RERG: variants seen among roughly 807,000 people sequenced by gnomAD.
RERG encodes RAS like estrogen regulated growth inhibitor.
Under a neutral mutation model 23.2 loss-of-function variants are expected in RERG, and 25 were observed. The ratio of observed to expected loss-of-function variants is 1.08; its 90% CI spans 0.79 to 1.50. RERG has a LOEUF of 1.50. Ranked by LOEUF, RERG falls within the 40% of genes most tolerant of loss-of-function variation. The pLI is 0.00. For synonymous variants in RERG, 81 were observed against 89.1 expected, an observed-to-expected ratio of 0.91 and a Z score of 0.51; for missense variants, 253 against 250.1, an observed-to-expected ratio of 1.01 and a Z score of -0.08.
chr12:15,132,542 G>A (rs1864067305), intron 2 of RERG, among the ~76,000 whole-genome samples: 1 of 152,186 alleles, frequency 6.6e-6, no homozygotes, highest in Non-Finnish European at 1.5e-5. Context: ...CATCAAATCA[G>A]TTGGGTAAAG....
chr12:15,142,411 A>G (rs928387155), intron 2 of RERG, among the ~76,000 whole-genome samples: 12 of 152,224 alleles, frequency 7.9e-5, no homozygotes, highest in African/African-American at 2.9e-4. Context: ...TCCATGTAGC[A>G]CACTGGAGTA....
At chr12:15,147,704 T>C (rs755111677) in intron 2 of RERG, among the ~76,000 whole-genome samples, 2 of 152,154 alleles carry the variant, frequency 1.3e-5, no homozygotes, top group Non-Finnish European at 2.9e-5. Flanking sequence ...AGGTAGATTA[T>C]AAGAAATTTA....
intron 2 of RERG, among the ~76,000 whole-genome samples, chr12:15,184,391 G>A (rs1383436252): frequency 2.6e-5 from 4 of 151,984 alleles, no homozygotes; most frequent in African/African-American, 4.8e-5. Flanking sequence ...TGCTCAAGTG[G>A]ATGTATTCTG....
intron 2 of RERG, among the ~76,000 whole-genome samples, chr12:15,169,920 ATGTGTG>A (rs61079713): frequency 0.036 from 4,942 of 137,634 alleles, 107 homozygotes; most frequent in East Asian, 0.085. Flanking sequence ...TCTGCTAAAA[ATGTGTG>A]TGTGTGTGTG....
At position 15,109,345 on chromosome 12, in the gene RERG, A is replaced by T; in HGVS notation, c.365T>A (p.Leu122Ter). 6.2e-7 allele frequency: 1 copy of T among 1,614,080 alleles called. No homozygotes were observed. Among genetic ancestry groups the T allele is most frequent in the Non-Finnish European group, 8.5e-7 (1 of 1,180,012 alleles). The change falls in exon 5 of 5, where the codon TTG (leucine) becomes TAG (stop). Residue 122 changes from leucine (L) to a stop codon, truncating the protein, a stop_gained. Coordinates refer to ENST00000256953, the MANE Select transcript of RERG (RefSeq NM_032918.3). LOFTEE classifies it high-confidence loss of function. ...TGTGCTAACCTGCCTGGAGTGGTCCAAGTCAGCTTTGTTTCCAACCAAGAT... is the reference window on the plus strand; with the variant it reads ...TGTGCTAACCTGCCTGGAGTGGTCCTAGTCAGCTTTGTTTCCAACCAAGAT... ...TLILVGNKAD[L>*]DHSRQVSTEE...
chr12:15,158,277 T>G (rs1864552160), intron 2 of RERG, among the ~76,000 whole-genome samples: 1 of 151,896 alleles, frequency 6.6e-6, no homozygotes, highest in Non-Finnish European at 1.5e-5. Flanking sequence ...GTTCCTCAGT[T>G]TTTTTGTTTT....
chr12:15,139,014 CTTTTTTT>C (rs34755371), intron 2 of RERG, among the ~76,000 whole-genome samples: 23 of 51,116 alleles, frequency 4.5e-4, no homozygotes, highest in Non-Finnish European at 6.2e-4. Flanking sequence ...TGTGTCTAGA[CTTTTTTT>C]TTTTTTTTTT....
At chr12:15,149,222 G>A (rs1864396203) in intron 2 of RERG, among the ~76,000 whole-genome samples, 1 of 151,856 alleles carries the variant, frequency 6.6e-6, no homozygotes, top group Non-Finnish European at 1.5e-5. Flanking sequence ...AGAAAAACAG[G>A]GCTGTGTTTA....
intron 2 of RERG, among the ~76,000 whole-genome samples, chr12:15,142,021 T>G (rs1272193728): frequency 6.6e-6 from 1 of 152,230 alleles, no homozygotes; most frequent in African/African-American, 2.4e-5. Context: ...ACTATTAGTT[T>G]TATTTGGTTT....
At chr12:15,211,374 T>G (rs1865364105) in intron 2 of RERG, among the ~76,000 whole-genome samples, 1 of 151,822 alleles carries the variant, frequency 6.6e-6, no homozygotes, top group South Asian at 2.1e-4. Flanking sequence ...TTCTATAATT[T>G]CTAACCACAT....
chr12:15,218,206 C>T (rs1476213930), intron 1 of RERG, among the ~76,000 whole-genome samples: 1 of 152,030 alleles, frequency 6.6e-6, no homozygotes, highest in Non-Finnish European at 1.5e-5. Context: ...GACACAATGC[C>T]CTGGTACAAA....
At chr12:15,186,169 T>C (rs1864987176) in intron 2 of RERG, among the ~76,000 whole-genome samples, 1 of 151,856 alleles carries the variant, frequency 6.6e-6, no homozygotes, top group South Asian at 2.1e-4. Flanking sequence ...TAGATAAGCT[T>C]TCTCTTATAT....
intron 2 of RERG, among the ~76,000 whole-genome samples, chr12:15,196,082 C>T (rs1423805597): frequency 1.3e-5 from 2 of 152,110 alleles, no homozygotes; most frequent in African/African-American, 4.8e-5. Context: ...GACTTCTCTC[C>T]CTCTTTCAGG....
In RERG at chr12:15,109,322, T is replaced by C. The variant is rs1192094527; in HGVS notation, c.388A>G (p.Thr130Ala). Residue 130 changes from threonine to alanine, a missense_variant, in exon 5 of 5, where the codon ACA (threonine) becomes GCA (alanine). Transcript: ENST00000256953. ...ADLDHSRQVS[T>A]EEGEKLATEL... is the part of the protein sequence containing the mutation. The stretch of plus-strand genomic sequence containing the variant: ...GTGGCCAGCTTCTCTCCTTCTTCTG[T>C]GCTAACCTGCCTGGAGTGGTCCAAG... The C allele has an allele frequency of 6.2e-7, 1 of 1,614,104 alleles. No homozygotes were observed. The highest frequency in any genetic ancestry group is 1.7e-5 in the Admixed American group (1 of 60,012).
chr12:15,112,671 G>A (rs1863642646), intron 3 of RERG, among the ~76,000 whole-genome samples: 1 of 152,194 alleles, frequency 6.6e-6, no homozygotes, highest in Admixed American at 6.5e-5. Flanking sequence ...AACTCTCCCA[G>A]AAGTGTCAGT....
At chr12:15,184,701 C>T (rs1437099516) in intron 2 of RERG, among the ~76,000 whole-genome samples, 2 of 152,098 alleles carry the variant, frequency 1.3e-5, no homozygotes, top group Non-Finnish European at 2.9e-5. Context: ...CAGTCAGAGA[C>T]GAGTTGTGAA....
chr12:15,167,180 A>G (rs1864707337), intron 2 of RERG, among the ~76,000 whole-genome samples: 3 of 152,178 alleles, frequency 2.0e-5, no homozygotes, highest in Admixed American at 2.0e-4. Flanking sequence ...TGGAGGCCTG[A>G]GCAAACCAGA....
At chr12:15,219,703 G>A (rs1443452495) in intron 1 of RERG, among the ~76,000 whole-genome samples, 1 of 152,136 alleles carries the variant, frequency 6.6e-6, no homozygotes, top group African/African-American at 2.4e-5. Context: ...TTGAAACATT[G>A]AACACGCAAG....
At chr12:15,196,363 A>G (rs557487373) in intron 2 of RERG, among the ~76,000 whole-genome samples, 33 of 152,304 alleles carry the variant, frequency 2.2e-4, no homozygotes, top group African/African-American at 7.7e-4. Flanking sequence ...GAACTGAGAT[A>G]ATTAACACTG....
Sources: gnomAD v4.1 joint callset for allele counts (sites outside exome capture counted in the v4.1 genomes callset) on GRCh38, gnomAD v4.1.1 for gene constraint, MANE v1.5 for transcripts, NCBI Gene and HGNC (gene_info 2026-07-23, HGNC 2026-07-21) for gene names.